The following NRG1 variants were observed in gnomAD, a reference collection of about 807,000 sequenced individuals.
NRG1 encodes the protein pro-neuregulin-1, membrane-bound isoform.
In NRG1, 18 loss-of-function variants were observed where a neutral mutation model predicts 63.8. The observed-to-expected ratio is 0.28, with a 90% CI of 0.19 to 0.42. NRG1 has a LOEUF of 0.42. Ranked by LOEUF, NRG1 falls within the 10% of genes least tolerant of loss-of-function variation. The pLI, the probability that NRG1 is intolerant of heterozygous loss-of-function variation, is 1.00. For synonymous variants in NRG1, 302 were observed against 301.3 expected, an observed-to-expected ratio of 1.00 and a Z score of -0.02; for missense variants, 762 against 814.7, an observed-to-expected ratio of 0.94 and a Z score of 0.79.
intron 1 of NRG1, among the ~76,000 whole-genome samples, chr8:31,878,171 T>G (rs547310387): frequency 1.3e-5 from 2 of 152,302 alleles, no homozygotes; most frequent in Non-Finnish European, 2.9e-5. Flanking sequence ...TAATTATGGG[T>G]GCAGGCACCC....
intron 1 of NRG1, among the ~76,000 whole-genome samples, chr8:31,650,608 A>T (rs1382420447): frequency 6.6e-6 from 1 of 152,176 alleles, no homozygotes; most frequent in Non-Finnish European, 1.5e-5. Flanking sequence ...CCTACCAGGG[A>T]TATGCACTCT....
chr8:32,647,829 A>G (rs1472954871), intron 5 of NRG1: 2 of 1,613,956 alleles, frequency 1.2e-6, no homozygotes, highest in Non-Finnish European at 1.7e-6. Flanking sequence ...AGCAGAAGAC[A>G]TGCCAGAGCC....
In NRG1 at chr8:32,648,226, C is replaced by T. The variant is rs140245897; in HGVS notation, c.502+31341C>T. On this transcript the variant is annotated intron_variant, in intron 5 of 11. Coordinates refer to ENST00000356819, the Ensembl canonical transcript of NRG1. Reference sequence around the variant, plus strand: ...GCTGTTGTCTCCTTTGAACCATCAGCGGCACCGACACCGAAGAATCGTATT... The same window carrying T: ...GCTGTTGTCTCCTTTGAACCATCAGTGGCACCGACACCGAAGAATCGTATT... The T allele has an allele frequency of 2.0e-5, 33 of 1,614,050 alleles. No homozygotes were observed. The African/African-American group carries it at 4.1e-4, about 20-fold the overall frequency.
At chr8:31,772,801 T>C (rs1818758285) in intron 1 of NRG1, among the ~76,000 whole-genome samples, 1 of 152,206 alleles carries the variant, frequency 6.6e-6, no homozygotes, top group African/African-American at 2.4e-5. Flanking sequence ...TGGACTGAGA[T>C]GTGGGAGTCA....
intron 1 of NRG1, among the ~76,000 whole-genome samples, chr8:32,209,688 A>ATTTC (rs915278937): frequency 6.6e-6 from 1 of 151,698 alleles, no homozygotes; most frequent in Non-Finnish European, 1.5e-5. Flanking sequence ...CCACATGTGA[A>ATTTC]TTTCTTTCTT....
At chr8:31,737,842 G>C (rs148257682) in intron 1 of NRG1, among the ~76,000 whole-genome samples, 2 of 152,002 alleles carry the variant, frequency 1.3e-5, no homozygotes, top group African/African-American at 4.8e-5. Context: ...AACATTGCTC[G>C]CTGGCCTTTC....
chr8:32,692,847 C>T (rs555339149), intron 5 of NRG1, among the ~76,000 whole-genome samples: 1 of 152,238 alleles, frequency 6.6e-6, no homozygotes, highest in South Asian at 2.1e-4. Flanking sequence ...CCTTCTCTAC[C>T]GCCACTCCTT....
intron 1 of NRG1, among the ~76,000 whole-genome samples, chr8:32,336,974 C>T (rs1803352040): frequency 6.6e-6 from 1 of 152,114 alleles, no homozygotes; most frequent in Non-Finnish European, 1.5e-5. Flanking sequence ...AAGGAGATTA[C>T]ATGATCTCAA....
chr8:32,489,337 C>A (rs545529835), intron 1 of NRG1, among the ~76,000 whole-genome samples: 1 of 152,148 alleles, frequency 6.6e-6, no homozygotes, highest in Non-Finnish European at 1.5e-5. Context: ...GAGCCCCCTG[C>A]CCAACTCCTG....
At chr8:31,696,314 GCCTT>G (rs1331136063) in intron 1 of NRG1, among the ~76,000 whole-genome samples, 1 of 152,220 alleles carries the variant, frequency 6.6e-6, no homozygotes, top group Non-Finnish European at 1.5e-5. Flanking sequence ...TGATCTGCCT[GCCTT>G]GGTCTCCCAA....
Position 31,640,328 on chromosome 8 carries a change from G to A in NRG1, c.37+897G>A. Reference sequence around the variant, plus strand: ...GAGGCAGGGGCGTGGGGCGGCGATCGCGAGCCGCCAGCCGCGGGCCCACGG... The same window carrying A: ...GAGGCAGGGGCGTGGGGCGGCGATCACGAGCCGCCAGCCGCGGGCCCACGG... On this transcript the variant is annotated intron_variant, in intron 1 of 10. Coordinates refer to the NRG1 transcript ENST00000519301. This position sits in a 1 kb window ranked among gnomAD's most constrained non-coding sequence, Gnocchi z 6.3. 5 of 1,174,868 alleles carry A rather than the reference G, an allele frequency of 4.3e-6. No homozygotes were observed. The highest frequency in any genetic ancestry group is 5.2e-6 in the Non-Finnish European group (5 of 952,470). The allele number at this position is 1,174,868 out of a possible 1,614,324, so 72.8% of individuals were successfully genotyped here. A position where few individuals can be genotyped will look rare whatever the true frequency, so the allele number is the denominator to read the frequency against.
At chr8:32,332,989 G>C (rs1802829546) in intron 1 of NRG1, among the ~76,000 whole-genome samples, 1 of 152,072 alleles carries the variant, frequency 6.6e-6, no homozygotes, top group Admixed American at 6.6e-5. Flanking sequence ...TTAAAATTTT[G>C]TTCTTTATCC....
chr8:32,521,632 A>G (rs1210666087), intron 1 of NRG1, among the ~76,000 whole-genome samples: 1 of 152,254 alleles, frequency 6.6e-6, no homozygotes, highest in African/African-American at 2.4e-5. Flanking sequence ...TTTTAATATT[A>G]TAAGTTAATG....
intron 1 of NRG1, among the ~76,000 whole-genome samples, chr8:32,182,257 T>C (rs1841512042): frequency 6.6e-6 from 1 of 151,990 alleles, no homozygotes; most frequent in South Asian, 2.1e-4. Context: ...ATACACAATT[T>C]TTTTTTTTCT....
At chr8:32,099,536 T>A (rs1317167836) in intron 1 of NRG1, 1 of 152,138 alleles carries the variant, frequency 6.6e-6, no homozygotes, top group East Asian at 1.9e-4. Context: ...AAGATGGAGA[T>A]GAATGACTTC....
intron 1 of NRG1, among the ~76,000 whole-genome samples, chr8:32,325,190 C>A (rs1056834181): frequency 6.6e-5 from 10 of 152,118 alleles, no homozygotes; most frequent in Admixed American, 3.9e-4. Context: ...TTTTAATCAT[C>A]TTCTAGTGAA....
intron 1 of NRG1, among the ~76,000 whole-genome samples, chr8:32,012,284 T>C (rs1004652326): frequency 6.6e-6 from 1 of 152,108 alleles, no homozygotes; most frequent in Admixed American, 6.6e-5. Flanking sequence ...TGAAAAATGC[T>C]TGGACAACAG....
At chr8:32,499,467 G>A (rs147265760) in intron 1 of NRG1, among the ~76,000 whole-genome samples, 30 of 151,984 alleles carry the variant, frequency 2.0e-4, no homozygotes, top group African/African-American at 4.1e-4. Flanking sequence ...AGAATTGCTC[G>A]AGGCCAGGAG....
intron 1 of NRG1, among the ~76,000 whole-genome samples, chr8:32,101,015 T>C (rs1830499903): frequency 8.4e-6 from 1 of 118,830 alleles, no homozygotes; most frequent in African/African-American, 3.0e-5. Flanking sequence ...CCAAAATTTG[T>C]ATTTATTCCC....
Sources: gnomAD v4.1 joint callset for allele counts (sites outside exome capture counted in the v4.1 genomes callset) on GRCh38, gnomAD v4.1.1 for gene constraint, Gnocchi (gnomAD v3.1) non-coding constraint, MANE v1.5 for transcripts, NCBI Gene and HGNC (gene_info 2026-07-23, HGNC 2026-07-21) for gene names.